Variants in FHAD1 observed in about 807,000 individuals in gnomAD.
The protein encoded by FHAD1 is forkhead-associated domain-containing protein 1.
Under a neutral mutation model 191.3 loss-of-function variants are expected in FHAD1, and 146 were observed. That is an observed-to-expected ratio of 0.76 (90% CI 0.67 to 0.88). FHAD1 has a LOEUF of 0.88. FHAD1 is among the 40% of genes least tolerant of loss of function. The pLI, the probability that FHAD1 is intolerant of heterozygous loss-of-function variation, is 0.00. For missense variants in FHAD1, 1,635 were observed against 1,785.8 expected (o/e 0.92, Z 1.52); for synonymous variants, 616 against 672.3 (o/e 0.92, Z 1.29).
At chr1:15,348,497 C>G (rs1267291491) in intron 18 of FHAD1, among the ~76,000 whole-genome samples, 1 of 152,224 alleles carries the variant, frequency 6.6e-6, no homozygotes, top group African/African-American at 2.4e-5. Context: ...ACTGGCCACA[C>G]TTTCTTCCCT....
chr1:15,322,134 G>T (rs1441959635), intron 10 of FHAD1, among the ~76,000 whole-genome samples: 1 of 152,028 alleles, frequency 6.6e-6, no homozygotes, highest in African/African-American at 2.4e-5. Context: ...TTATCTTATT[G>T]GGGTTCGTAT....
At position 15,349,155 on chromosome 1, in the gene FHAD1, A is replaced by G; in HGVS notation, c.2454+6A>G. 1 of 1,539,186 alleles carries G rather than the reference A, an allele frequency of 6.5e-7. No homozygotes were observed. Among genetic ancestry groups the G allele is most frequent in the South Asian group, 1.2e-5 (1 of 83,832 alleles). On this transcript the variant is annotated splice_donor_region_variant and intron_variant, in intron 19 of 33. Coordinates refer to ENST00000688493, the MANE Select transcript of FHAD1 (RefSeq NM_001391957.1). ...ATTTAACCCAACAGAAGGAGGTATG[A>G]GCAGCAGCAGGAAAGAATCCTCTGG... is the stretch of plus-strand genomic sequence containing the variant.
At position 15,382,204 on chromosome 1, in the gene FHAD1, G is replaced by A. The variant is rs995466507; in HGVS notation, c.4188+11G>A. ...ATCCGGCAGCAGAAGGTGAGGCGCTGCTGCCCAGGGCAGAACCTCCCAGGC... is the reference window on the plus strand; with the variant it reads ...ATCCGGCAGCAGAAGGTGAGGCGCTACTGCCCAGGGCAGAACCTCCCAGGC... On this transcript the variant is annotated intron_variant, in intron 31 of 33. Transcript: ENST00000688493. The A allele has an allele frequency of 6.5e-7, 1 of 1,549,682 alleles. No homozygotes were observed. The highest frequency in any genetic ancestry group is 1.4e-5 in the African/African-American group (1 of 73,070).
intron 24 of FHAD1, 43 bp downstream of exon 24, chr1:15,365,976 G>T: frequency 7.4e-7 from 1 of 1,342,630 alleles, no homozygotes; most frequent in South Asian, 1.3e-5. Context: ...TGACCCACTC[G>T]AGAAAGGAAG....
In FHAD1 at chr1:15,381,718, C is replaced by T. The variant is rs761245397; in HGVS notation, c.4022+267C>T. Among the ~76,000 whole-genome samples the T allele has an allele frequency of 2.7e-5, 4 of 148,676 alleles. No individual in the cohort carries two copies. The highest frequency in any genetic ancestry group is 6.0e-5 in the Non-Finnish European group (4 of 66,818). ...AAGCTGCACCTCTTGCGACCCTTGACTTATGGTTTCCCAGTTGTGTAGCAT... is the reference window on the plus strand; with the variant it reads ...AAGCTGCACCTCTTGCGACCCTTGATTTATGGTTTCCCAGTTGTGTAGCAT... On this transcript the variant is annotated intron_variant, in intron 30 of 33. Coordinates refer to ENST00000688493, the MANE Select transcript of FHAD1 (RefSeq NM_001391957.1). This position sits in a 1 kb window ranked among gnomAD's most constrained non-coding sequence, Gnocchi z 4.6.
intron 2 of FHAD1, among the ~76,000 whole-genome samples, chr1:15,256,645 CAAAAAA>C (rs34598860): frequency 4.2e-5 from 3 of 71,266 alleles, no homozygotes; most frequent in Non-Finnish European, 7.6e-5. Context: ...AGACTCTGTC[CAAAAAA>C]AAAAAAAAAA....
intron 4 of FHAD1, among the ~76,000 whole-genome samples, chr1:15,290,397 A>G (rs1210952817): frequency 2.0e-5 from 3 of 152,078 alleles, no homozygotes; most frequent in Non-Finnish European, 4.4e-5. Context: ...TCCCTAGCCT[A>G]TGGCATCAAG....
rs139423118 is a variant in FHAD1, at chr1:15,390,699, T to C, written c.4270-511T>C. 4.6e-5 allele frequency among the ~76,000 whole-genome samples: 7 copies of C among 152,286 alleles called. No homozygotes were observed. The East Asian group carries it at 1.4e-3, about 29-fold the overall frequency. Reference sequence around the variant, plus strand: ...TCTTGGGGACCCCAGGGTCAGCAACTGTAAACCAAACCCCAGGGAAATAGC... The same window carrying C: ...TCTTGGGGACCCCAGGGTCAGCAACCGTAAACCAAACCCCAGGGAAATAGC... On this transcript the variant is annotated intron_variant, in intron 32 of 33. Transcript: ENST00000688493.
intron 32 of FHAD1, among the ~76,000 whole-genome samples, chr1:15,390,344 C>CAA (rs59353142): frequency 0.023 from 1,602 of 68,498 alleles, 66 homozygotes; most frequent in African/African-American, 0.077. Context: ...GACTCTGTCT[C>CAA]AAAAAAAAAA....
At chr1:15,354,918 TAG>T (rs1692207091) in intron 20 of FHAD1, among the ~76,000 whole-genome samples, 1 of 150,112 alleles carries the variant, frequency 6.7e-6, no homozygotes, top group African/African-American at 2.4e-5. Flanking sequence ...CACCAGAAGG[TAG>T]AGTCTTGGCC....
intron 16 of FHAD1, among the ~76,000 whole-genome samples, chr1:15,343,143 G>A (rs1037320464): frequency 1.3e-5 from 2 of 152,090 alleles, no homozygotes; most frequent in African/African-American, 4.8e-5. Context: ...GAATTTCACT[G>A]TCTTTATGAC....
rs1357051951 is a variant in FHAD1 at position 15,358,200 on chromosome 1, G to A, written c.2653G>A (p.Ala885Thr). Residue 885 changes from alanine (A) to threonine (T), a missense_variant, in exon 21 of 34, where the codon GCA becomes ACA. Transcript: ENST00000688493. ...GGTTGAAGAGACTCAGAAAACAAAG[G>A]CAACTGAAAGTCTAAAAGCAGAGAG... Reference protein sequence around the residue: ...AMVEETQKTKATESLKAESLA... With the variant: ...AMVEETQKTKTTESLKAESLA... The A allele has an allele frequency of 3.9e-6, 6 of 1,540,454 alleles. No individual in the cohort carries two copies. The highest frequency in any genetic ancestry group is 1.7e-6 in the Non-Finnish European group (2 of 1,144,626).
At chr1:15,300,301 C>A (rs955006936) in intron 5 of FHAD1, among the ~76,000 whole-genome samples, 8 of 152,092 alleles carry the variant, frequency 5.3e-5, no homozygotes, top group African/African-American at 1.7e-4. Flanking sequence ...AAGTTTTTTC[C>A]AGCCTGAAAT....
At chr1:15,398,407 C>T (rs1706640456), downstream of FHAD1, among the ~76,000 whole-genome samples, 1 of 152,146 alleles carries the variant, frequency 6.6e-6, no homozygotes, top group African/African-American at 2.4e-5. Context: ...TTAATCCTCC[C>T]CCTGCCCCTG....
rs1453029409 is a variant in FHAD1, at chr1:15,272,429, G to A, written c.200G>A (p.Cys67Tyr). The change falls in exon 3 of 34, where the codon TGC (cysteine) becomes TAC (tyrosine). Residue 67 changes from cysteine to tyrosine, a missense_variant. Cys to Tyr is a radical substitution (Grantham distance 194). Transcript: ENST00000688493. Reference protein sequence around the residue: ...NSRNGTFVNECHIQNVAVKLI... With the variant: ...NSRNGTFVNEYHIQNVAVKLI... ...CGCAACGGCACGTTTGTCAACGAGT[G>A]CCACATTCAAAACGTGGCTGTGAAG... The A allele has an allele frequency of 2.6e-6, 4 of 1,551,586 alleles. No homozygotes were observed. The highest frequency in any genetic ancestry group is 1.2e-5 in the South Asian group (1 of 84,070).
At chr1:15,273,506 T>G (rs1469111523) in intron 3 of FHAD1, among the ~76,000 whole-genome samples, 1 of 152,166 alleles carries the variant, frequency 6.6e-6, no homozygotes, top group Non-Finnish European at 1.5e-5. Flanking sequence ...CTTTGCTTCC[T>G]TGCTTTGAAC....
intron 3 of FHAD1, among the ~76,000 whole-genome samples, chr1:15,279,580 C>A (rs1220572163): frequency 3.7e-5 from 5 of 133,336 alleles, no homozygotes; most frequent in African/African-American, 1.1e-4. Flanking sequence ...AAAAAGGAAT[C>A]TCTTTCATCT....
At chr1:15,373,664 G>A (rs1490306039) in intron 26 of FHAD1, among the ~76,000 whole-genome samples, 1 of 152,124 alleles carries the variant, frequency 6.6e-6, no homozygotes, top group Non-Finnish European at 1.5e-5. Context: ...ACCAGCGTGG[G>A]CAACAAAGCG....
intron 7 of FHAD1, 120 bp downstream of exon 7, chr1:15,308,856 T>C: frequency 6.9e-7 from 1 of 1,442,412 alleles, no homozygotes; most frequent in Non-Finnish European, 9.3e-7. Context: ...AGCCTCAGAG[T>C]TCTTCCCAGC....
Sources: allele counts gnomAD v4.1 joint callset (sites outside exome capture counted in the v4.1 genomes callset), GRCh38; gene constraint gnomAD v4.1.1; non-coding constraint Gnocchi (gnomAD v3.1); transcripts MANE v1.5; gene names NCBI Gene and HGNC (gene_info 2026-07-23, HGNC 2026-07-21).